The following RORA variants were observed in gnomAD, a reference collection of about 807,000 sequenced individuals.
RORA encodes RAR related orphan receptor A.
Under a neutral mutation model 69.5 loss-of-function variants are expected in RORA, and 7 were observed. That is an observed-to-expected ratio of 0.10 (90% CI 0.06 to 0.19). The LOEUF (loss-of-function observed/expected upper bound fraction) is 0.19. Among genes scored for constraint, RORA ranks in the 10% least tolerant of loss-of-function variants. RORA has a pLI of 1.00. For missense variants in RORA, 457 were observed against 663.0 expected (o/e 0.69, Z 3.41); for synonymous variants, 261 against 240.8 (o/e 1.08, Z -0.78).
intron 2 of RORA, among the ~76,000 whole-genome samples, chr15:60,656,054 A>T (rs1032033155): frequency 6.6e-6 from 1 of 152,198 alleles, no homozygotes; most frequent in African/African-American, 2.4e-5. Flanking sequence ...TAGATGATCT[A>T]TTTTTGAGAT....
chr15:60,714,093 G>A (rs1385749615), intron 1 of RORA, among the ~76,000 whole-genome samples: 3 of 148,994 alleles, frequency 2.0e-5, no homozygotes, highest in African/African-American at 5.0e-5. Context: ...TCACTCCGTC[G>A]CCCAGGATGG....
intron 1 of RORA, among the ~76,000 whole-genome samples, chr15:60,888,425 C>T (rs753124516): frequency 7.2e-5 from 11 of 152,166 alleles, no homozygotes; most frequent in Admixed American, 1.3e-4. Flanking sequence ...AAGAGTTACA[C>T]GGGGCGAAAA....
chr15:60,757,118 T>C (rs1471267373), intron 1 of RORA, among the ~76,000 whole-genome samples: 2 of 152,206 alleles, frequency 1.3e-5, no homozygotes, highest in African/African-American at 2.4e-5. Context: ...TATATATTAC[T>C]ATGAAATGAG....
chr15:60,709,599 A>G (rs1394284081), intron 1 of RORA, among the ~76,000 whole-genome samples: 2 of 151,888 alleles, frequency 1.3e-5, no homozygotes, highest in African/African-American at 4.8e-5. Context: ...CCTGTTGTGA[A>G]GTGCACACGT....
chr15:60,996,503 T>C (rs1198115494), intron 1 of RORA, among the ~76,000 whole-genome samples: 1 of 152,092 alleles, frequency 6.6e-6, no homozygotes, highest in African/African-American at 2.4e-5. Context: ...TTTAGGTCTT[T>C]TGTTTCAGTA....
intron 1 of RORA, among the ~76,000 whole-genome samples, chr15:60,852,533 T>A (rs1430589922): frequency 6.6e-6 from 1 of 152,222 alleles, no homozygotes; most frequent in Non-Finnish European, 1.5e-5. Context: ...TAGGTGCTTA[T>A]GAAATTTTCA....
At chr15:60,725,675 T>C (rs2071347852) in intron 1 of RORA, among the ~76,000 whole-genome samples, 1 of 152,256 alleles carries the variant, frequency 6.6e-6, no homozygotes, top group African/African-American at 2.4e-5. Flanking sequence ...TTTGTTCTTT[T>C]TTGTACCCCC....
At chr15:60,775,115 T>G (rs1208066173) in intron 1 of RORA, among the ~76,000 whole-genome samples, 6 of 152,306 alleles carry the variant, frequency 3.9e-5, no homozygotes, top group Admixed American at 3.9e-4. Flanking sequence ...CTTTCAACCC[T>G]TCTCTCTTAA....
Position 61,061,351 on chromosome 15 carries a change from T to TAAAA in RORA, c.166+167698_166+167701dup, listed in dbSNP as rs1416755771. The stretch of plus-strand genomic sequence containing the variant: ...AGGGAGACAGAGCGAGGCTCTATCT[T>TAAAA]AAAAAATAAATAAATAAATAAATAA... On this transcript the variant is annotated intron_variant, in intron 1 of 10. Transcript: ENST00000335670. This position sits in a 1 kb window ranked among gnomAD's most constrained non-coding sequence, Gnocchi z 4.4. Among the ~76,000 whole-genome samples, 16 of 110,360 alleles carry TAAAA rather than the reference T, an allele frequency of 1.4e-4. No homozygotes were observed. Among genetic ancestry groups the TAAAA allele is most frequent in the African/African-American group, 5.2e-4 (13 of 24,954 alleles). The allele number at this position is 110,360 out of a possible 152,430, so 72.4% of individuals were successfully genotyped here. A position where few individuals can be genotyped will look rare whatever the true frequency, so the allele number is the denominator to read the frequency against.
At chr15:60,950,290 G>A (rs990197120) in intron 1 of RORA, among the ~76,000 whole-genome samples, 20 of 144,462 alleles carry the variant, frequency 1.4e-4, no homozygotes, top group Admixed American at 2.8e-4. Flanking sequence ...TGAAGGAAGC[G>A]CTAAACATGG....
intron 2 of RORA, chr15:60,615,053 A>C (rs755846551): frequency 6.2e-7 from 1 of 1,602,204 alleles, no homozygotes; most frequent in South Asian, 1.1e-5. Context: ...GAACAGCGTC[A>C]ACCCACACAC....
In RORA at chr15:61,090,120, AAG is replaced by A. The variant is rs530912439; in HGVS notation, c.166+138931_166+138932del. ...ATATTCAGTAAGCAGAGAAGGATGC[AAG>A]AGTTTTTCTCTAGAGTGGGGTAAAG... On this transcript the variant is annotated intron_variant, in intron 1 of 10. Coordinates refer to ENST00000335670, the MANE Select transcript of RORA (RefSeq NM_134261.3). 3.3e-5 allele frequency among the ~76,000 whole-genome samples: 5 copies of A among 152,336 alleles called. No individual in the cohort carries two copies. The East Asian group carries it at 9.6e-4, about 29-fold the overall frequency.
At chr15:60,983,918 T>C (rs576836352) in intron 1 of RORA, among the ~76,000 whole-genome samples, 6 of 152,318 alleles carry the variant, frequency 3.9e-5, no homozygotes, top group African/African-American at 1.4e-4. Flanking sequence ...ATAAATCTCT[T>C]CAAATATTTT....
intron 1 of RORA, 93 bp downstream of exon 1, chr15:61,228,960 G>C (rs1171746467): frequency 2.2e-5 from 11 of 496,786 alleles, no homozygotes; most frequent in Non-Finnish European, 2.8e-5. Context: ...CGCGGCCGCC[G>C]GACCCCGCGC....
intron 1 of RORA, among the ~76,000 whole-genome samples, chr15:60,925,402 CAA>C (rs1892184884): frequency 7.9e-5 from 12 of 152,272 alleles, no homozygotes; most frequent in Admixed American, 7.2e-4. Flanking sequence ...TAAGACCAGC[CAA>C]GAGATGTTGA....
chr15:61,124,661 A>G (rs1367943690), intron 1 of RORA, among the ~76,000 whole-genome samples: 1 of 152,062 alleles, frequency 6.6e-6, no homozygotes, highest in Non-Finnish European at 1.5e-5. Flanking sequence ...ACTTTTCCTC[A>G]ATTCCTTTGC....
chr15:60,970,074 C>T (rs367553591), intron 1 of RORA, among the ~76,000 whole-genome samples: 15 of 152,300 alleles, frequency 9.8e-5, no homozygotes, highest in Admixed American at 3.3e-4. Context: ...CACAGCCAGA[C>T]GGCAGCCGCC....
At chr15:61,212,446 C>A (rs547602990) in intron 1 of RORA, among the ~76,000 whole-genome samples, 1 of 152,208 alleles carries the variant, frequency 6.6e-6, no homozygotes, top group African/African-American at 2.4e-5. Flanking sequence ...GTCGCCCAGG[C>A]TGGAGTGCAA....
intron 1 of RORA, among the ~76,000 whole-genome samples, chr15:61,132,836 A>G (rs1202482459): frequency 6.6e-6 from 1 of 152,202 alleles, no homozygotes; most frequent in Non-Finnish European, 1.5e-5. Context: ...GTACATTTAT[A>G]TGATTGACCT....
Sources: allele counts gnomAD v4.1 joint callset (sites outside exome capture counted in the v4.1 genomes callset), GRCh38; gene constraint gnomAD v4.1.1; non-coding constraint Gnocchi (gnomAD v3.1); transcripts MANE v1.5; gene names NCBI Gene and HGNC (gene_info 2026-07-23, HGNC 2026-07-21).